VPS8: variants seen among roughly 807,000 people sequenced by gnomAD.
The protein encoded by VPS8 is VPS8 subunit of CORVET complex.
A neutral mutation model predicts 216.4 loss-of-function variants in VPS8; 129 were observed. The ratio of observed to expected loss-of-function variants is 0.60; its 90% CI spans 0.52 to 0.69. The LOEUF is 0.69. Among genes scored for constraint, VPS8 ranks in the 30% least tolerant of loss-of-function variants. The pLI is 0.00. For synonymous variants in VPS8, 571 were observed against 565.4 expected, an observed-to-expected ratio of 1.01 and a Z score of -0.14; for missense variants, 1,531 against 1,683.5, an observed-to-expected ratio of 0.91 and a Z score of 1.59.
At chr3:184,997,295 G>A (rs1480782228) in intron 44 of VPS8, among the ~76,000 whole-genome samples, 2 of 152,172 alleles carry the variant, frequency 1.3e-5, no homozygotes, top group Admixed American at 1.3e-4. Flanking sequence ...TCTACTACAT[G>A]CCAGCTGTGA....
intron 29 of VPS8, among the ~76,000 whole-genome samples, chr3:184,923,214 T>C (rs1738965597): frequency 6.6e-6 from 1 of 152,128 alleles, no homozygotes; most frequent in Admixed American, 6.5e-5. Context: ...CCTGATTTGT[T>C]GTAGAGTTGC....
chr3:184,974,203 G>T (rs950342508), intron 40 of VPS8, among the ~76,000 whole-genome samples: 2 of 152,032 alleles, frequency 1.3e-5, no homozygotes, highest in Admixed American at 1.3e-4. Context: ...CACATCCTCA[G>T]CAAGACTCAT....
Position 184,971,644 on chromosome 3 carries a change from T to C in VPS8, c.3317-5T>C. The C allele has an allele frequency of 6.2e-7, 1 of 1,608,218 alleles. No homozygotes were observed. Among genetic ancestry groups the C allele is most frequent in the South Asian group, 1.1e-5 (1 of 90,096 alleles). On this transcript the variant is annotated splice_region_variant and splice_polypyrimidine_tract_variant and intron_variant, in intron 39 of 47. Transcript: ENST00000625842. ...AAATGATGTTTACACTTTTTCTAAA[T>C]CTAGATACCAAAGAGGATCCCTCAT...
chr3:185,046,102 A>G (rs976094071), intron 46 of VPS8, among the ~76,000 whole-genome samples: 1 of 152,278 alleles, frequency 6.6e-6, no homozygotes, highest in Non-Finnish European at 1.5e-5. Context: ...TCTAACAGAC[A>G]GCAGCAAATG....
chr3:184,880,452 ATAATTCCTTAG>A (rs1459266837), intron 21 of VPS8, among the ~76,000 whole-genome samples: 1 of 152,202 alleles, frequency 6.6e-6, no homozygotes, highest in Non-Finnish European at 1.5e-5. Context: ...ACTCAGCATA[ATAATTCCTTAG>A]TGATTCACCC....
At chr3:184,849,301 A>G (rs1462889459) in intron 9 of VPS8, 106 bp downstream of exon 9, 2 of 1,313,320 alleles carry the variant, frequency 1.5e-6, no homozygotes, top group Admixed American at 5.2e-5. Context: ...ATGAAGTAAT[A>G]TGTTTGTAGA....
In VPS8 at chr3:184,925,049, C is replaced by T. The variant is rs6773272; in HGVS notation, c.2574+68C>T. ...ACTGCGCACAGTTCCCTGGATTACA[C>T]TGTTTCCTGATGTGACAGACTATTG... On this transcript the variant is annotated intron_variant, in intron 30 of 47. Transcript: ENST00000625842. 9,169 of 1,528,062 alleles carry T rather than the reference C, an allele frequency of 6.0e-3. 477 individuals carry two copies. The African/African-American group carries it at 0.11, about 18-fold the overall frequency. The allele number at this position is 1,528,062 out of a possible 1,614,324, so 94.7% of individuals were successfully genotyped here.
At chr3:184,854,936 G>T (rs1407579475) in intron 13 of VPS8, among the ~76,000 whole-genome samples, 1 of 152,116 alleles carries the variant, frequency 6.6e-6, no homozygotes, top group Non-Finnish European at 1.5e-5. Context: ...TGGTGGTACA[G>T]AACTCTGGCT....
chr3:184,859,625 T>C (rs554663234), intron 14 of VPS8, among the ~76,000 whole-genome samples: 1 of 152,338 alleles, frequency 6.6e-6, no homozygotes, highest in South Asian at 2.1e-4. Context: ...TCTTTTTCTT[T>C]AATGGACTTT....
intron 46 of VPS8, among the ~76,000 whole-genome samples, chr3:185,038,241 G>A (rs1331974942): frequency 2.6e-5 from 4 of 152,198 alleles, no homozygotes; most frequent in Admixed American, 6.5e-5. Flanking sequence ...AATGACAGTG[G>A]TATTGGCTGG....
intron 36 of VPS8, among the ~76,000 whole-genome samples, chr3:184,942,870 G>T (rs995823395): frequency 6.6e-6 from 1 of 152,130 alleles, no homozygotes; most frequent in Non-Finnish European, 1.5e-5. Context: ...TATAATACTA[G>T]TAACATATTG....
chr3:184,869,314 A>T (rs1486316865), intron 19 of VPS8, among the ~76,000 whole-genome samples, 168 bp from the exon 20 acceptor site: 5 of 152,240 alleles, frequency 3.3e-5, no homozygotes, highest in Non-Finnish European at 2.9e-5. Context: ...CCGGTCCAGT[A>T]GATTTGAGGT....
chr3:184,840,228 T>C (rs1033659825), intron 7 of VPS8: 1 of 152,980 alleles, frequency 6.5e-6, no homozygotes, highest in African/African-American at 2.4e-5. Flanking sequence ...TTTTTTGGCC[T>C]GTAATCACAT....
chr3:184,983,365 TATACA>T (rs1750527499), intron 42 of VPS8, among the ~76,000 whole-genome samples: 1 of 152,212 alleles, frequency 6.6e-6, no homozygotes, highest in Non-Finnish European at 1.5e-5. Context: ...GGGATTCAGA[TATACA>T]AGTTTCCTAT....
chr3:184,866,901 A>G lies in VPS8; in HGVS notation c.1421A>G (p.Tyr474Cys). 1 of 1,613,100 alleles carries G rather than the reference A, an allele frequency of 6.2e-7. No individual in the cohort carries two copies. The highest frequency in any genetic ancestry group is 2.2e-5 in the East Asian group (1 of 44,798). ...ALALVGEKACYQSISSYGGQI... is the reference protein window; with the variant it reads ...ALALVGEKACCQSISSYGGQI... The stretch of plus-strand genomic sequence containing the variant: ...GCTTTGGTTGGAGAGAAGGCTTGTT[A>G]TCAATCCATCAGTAGCTATGGTGGT... Residue 474 changes from tyrosine (Y) to cysteine (C), a missense_variant, in exon 17 of 48, where the codon TAT (tyrosine) becomes TGT (cysteine). Physicochemically the swap from Tyr to Cys is radical, Grantham distance 194. Around this residue, in one of 3 missense-constraint regions of VPS8, gnomAD observed 1,318 missense variants for 1,468.4 expected, o/e 0.90. Transcript: ENST00000625842.
chr3:184,873,138 A>G (rs1388800559), intron 21 of VPS8, among the ~76,000 whole-genome samples: 1 of 152,112 alleles, frequency 6.6e-6, no homozygotes, highest in Non-Finnish European at 1.5e-5. Context: ...TTCTCAAAAC[A>G]ACCTAAGGCA....
Position 184,994,488 on chromosome 3 carries a change from G to GA in VPS8, c.3666+441dup, listed in dbSNP as rs11316264. On this transcript the variant is annotated intron_variant, in intron 43 of 47. Transcript: ENST00000625842. ...AGGTGACAGAGCAAGACCCTTCTCT[G>GA]AAAAAAAAAAAAAAAATTCTCTTGA... Among the ~76,000 whole-genome samples the GA allele has an allele frequency of 5.1e-3, 725 of 143,034 alleles. 9 individuals carry two copies. The highest frequency in any genetic ancestry group is 0.017 in the African/African-American group (680 of 38,920). The allele number at this position is 143,034 out of a possible 152,430, so 93.8% of individuals were successfully genotyped here.
At chr3:185,051,342 C>G (rs1266740405) in intron 47 of VPS8, among the ~76,000 whole-genome samples, 3 of 152,118 alleles carry the variant, frequency 2.0e-5, no homozygotes, top group Non-Finnish European at 4.4e-5. Flanking sequence ...GGGTTCCACT[C>G]TGGAACCCCT....
chr3:185,038,748 A>G (rs1759238315), intron 46 of VPS8, among the ~76,000 whole-genome samples: 1 of 152,182 alleles, frequency 6.6e-6, no homozygotes, highest in Non-Finnish European at 1.5e-5. Context: ...CTTTTCTCTG[A>G]ATGTCATCCC....
Sources: allele counts gnomAD v4.1 joint callset (sites outside exome capture counted in the v4.1 genomes callset), GRCh38; gene constraint gnomAD v4.1.1; regional missense constraint gnomAD v4.1.1; transcripts MANE v1.5; gene names NCBI Gene and HGNC (gene_info 2026-07-23, HGNC 2026-07-21).